BIRC6: variants seen among roughly 807,000 people sequenced by gnomAD.
BIRC6 encodes baculoviral IAP repeat containing 6.
In BIRC6, 98 loss-of-function variants were observed where a neutral mutation model predicts 503.3. The ratio of observed to expected loss-of-function variants is 0.19; its 90% CI spans 0.17 to 0.23. The LOEUF is 0.23. Ranked by LOEUF, BIRC6 falls within the 10% of genes least tolerant of loss-of-function variation. The probability of loss-of-function intolerance (pLI) is 1.00; values close to 1 mark genes in which losing one functional copy is unlikely to be tolerated. For synonymous variants in BIRC6, 2,240 were observed against 2,078.7 expected, an observed-to-expected ratio of 1.08 and a Z score of -2.11; for missense variants, 5,360 against 5,806.0, an observed-to-expected ratio of 0.92 and a Z score of 2.50.
intron 2 of BIRC6, among the ~76,000 whole-genome samples, chr2:32,378,062 T>C (rs1242903631): frequency 6.6e-6 from 1 of 152,120 alleles, no homozygotes; most frequent in South Asian, 2.1e-4. Flanking sequence ...TTTCCAATAA[T>C]AGTCCAGGGC....
At chr2:32,450,266 C>T (rs2046545345) in intron 22 of BIRC6, among the ~76,000 whole-genome samples, 1 of 152,138 alleles carries the variant, frequency 6.6e-6, no homozygotes, top group Non-Finnish European at 1.5e-5. Flanking sequence ...ATCACGAGGT[C>T]AGGAGATCGA....
chr2:32,393,060 A>G (rs2039451375), intron 5 of BIRC6, among the ~76,000 whole-genome samples: 1 of 151,968 alleles, frequency 6.6e-6, no homozygotes, highest in African/African-American at 2.4e-5. Flanking sequence ...ACAGTAGTAG[A>G]TGCTTAGGGT....
intron 37 of BIRC6, among the ~76,000 whole-genome samples, chr2:32,480,840 C>T (rs2050320685): frequency 1.3e-5 from 2 of 151,720 alleles, no homozygotes; most frequent in Admixed American, 1.3e-4. Flanking sequence ...CAGGGTTCTG[C>T]CATGTTGGTC....
At position 32,473,413 on chromosome 2, in the gene BIRC6, GTA is replaced by G. The variant is rs1335527804; in HGVS notation, c.6720+177_6720+178del. On this transcript the variant is annotated intron_variant, in intron 33 of 73. Transcript: ENST00000421745. ...CCTTAATTGTTAAAATGACGACAAT[GTA>G]TAGTTTACAGACTTTGTTGATGTTC... is the stretch of plus-strand genomic sequence containing the variant. Among the ~76,000 whole-genome samples, 12 of 152,258 alleles carry G rather than the reference GTA, an allele frequency of 7.9e-5. No homozygotes were observed. In the East Asian group the frequency reaches 1.9e-3, roughly 25 times the overall value.
chr2:32,464,859 T>C, intron 25 of BIRC6, 36 bp downstream of exon 25: 1 of 1,548,038 alleles, frequency 6.5e-7, no homozygotes, highest in Non-Finnish European at 8.7e-7. Context: ...GGCTTAGACA[T>C]TTAAAAATAT....
chr2:32,513,059 T>C lies in BIRC6; in HGVS notation c.10473T>C (p.Pro3491=). ...AGTATGGTCTTCTGATGCCATCTCC[T>C]TCTCATTTGCACTGTGTAGCAGCCA... The part of the protein sequence containing the change: ...TVEYGLLMPS[P]SHLHCVAAIL... Residue 3491 remains proline (P), a synonymous_variant, in exon 54 of 74, where the codon CCT becomes CCC. Transcript: ENST00000421745. 6.2e-7 allele frequency: 1 copy of C among 1,613,954 alleles called. No individual in the cohort carries two copies. The highest frequency in any genetic ancestry group is 1.1e-5 in the South Asian group (1 of 91,088).
intron 12 of BIRC6, among the ~76,000 whole-genome samples, chr2:32,432,390 C>T (rs1219729542): frequency 6.6e-6 from 1 of 152,060 alleles, no homozygotes; most frequent in Non-Finnish European, 1.5e-5. Flanking sequence ...GCACTCCAGC[C>T]TGGGCTACAG....
chr2:32,446,722 C>T (rs1217846926), intron 21 of BIRC6, among the ~76,000 whole-genome samples: 3 of 132,000 alleles, frequency 2.3e-5, no homozygotes, highest in South Asian at 5.1e-4. Flanking sequence ...ATCTAGTCAG[C>T]ATCTCCCTCT....
rs191478724 is a variant in BIRC6, at chr2:32,593,408, T to G, written c.13356-507T>G. On this transcript the variant is annotated intron_variant, in intron 66 of 73. Coordinates refer to ENST00000421745, the MANE Select transcript of BIRC6 (RefSeq NM_016252.4). ...AAATAACAGAATAATATCTTTAAAA[T>G]GAATATGCCCTAAAACTTAGTGTCT... Among the ~76,000 whole-genome samples, 16 of 152,298 alleles carry G rather than the reference T, an allele frequency of 1.1e-4. No homozygotes were observed. In the East Asian group the frequency reaches 3.1e-3, roughly 29 times the overall value.
chr2:32,538,242 C>G (rs1449824194), intron 61 of BIRC6, among the ~76,000 whole-genome samples: 1 of 151,986 alleles, frequency 6.6e-6, no homozygotes, highest in Non-Finnish European at 1.5e-5. Flanking sequence ...CTGAGGAGCT[C>G]CAAATTCTGC....
chr2:32,515,962 G>A (rs1284509422), intron 55 of BIRC6, among the ~76,000 whole-genome samples, 192 bp downstream of exon 55: 3 of 152,144 alleles, frequency 2.0e-5, no homozygotes, highest in South Asian at 2.1e-4. Context: ...TCTTTATGAT[G>A]AGATGACTAG....
chr2:32,478,847 T>C, intron 36 of BIRC6, 29 bp downstream of exon 36: 2 of 1,600,840 alleles, frequency 1.2e-6, no homozygotes, highest in Non-Finnish European at 1.7e-6. Flanking sequence ...TCATAGAGTA[T>C]GTCAAAATTA....
intron 72 of BIRC6, among the ~76,000 whole-genome samples, chr2:32,611,108 C>CTTTTTTTTTTTTTTTTTTTTTTTTTTTTT (rs1245765148): frequency 8.7e-5 from 11 of 126,168 alleles, no homozygotes; most frequent in Admixed American, 5.8e-4. Flanking sequence ...ATTAAATTGC[C>CTTTTTTTTTTTTTTTTTTTTTTTTTTTTT]TTTTTTTTTT....
intron 43 of BIRC6, 133 bp downstream of exon 43, chr2:32,490,284 A>G (rs1246985957): frequency 2.8e-6 from 2 of 723,566 alleles, no homozygotes; most frequent in Admixed American, 2.5e-5. Flanking sequence ...GTGGTGGCTC[A>G]CGCCTGTAAA....
rs559400076 is a variant in BIRC6 at position 32,559,793 on chromosome 2, G to A, written c.13144+10312G>A. Among the ~76,000 whole-genome samples the A allele has an allele frequency of 4.6e-4, 70 of 152,050 alleles. 1 individual carries two copies. Among genetic ancestry groups the A allele is most frequent in the African/African-American group, 1.5e-3 (61 of 41,494 alleles). ...CCCAGCACTTTGGGAGGCCAAGGCCGGTGGATCACCTGAGTTCAAGGGTTT... is the reference window on the plus strand; with the variant it reads ...CCCAGCACTTTGGGAGGCCAAGGCCAGTGGATCACCTGAGTTCAAGGGTTT... On this transcript the variant is annotated intron_variant, in intron 65 of 73. Transcript: ENST00000421745.
intron 73 of BIRC6, among the ~76,000 whole-genome samples, chr2:32,617,505 A>G (rs1453329199): frequency 6.6e-6 from 1 of 152,160 alleles, no homozygotes; most frequent in African/African-American, 2.4e-5. Flanking sequence ...TGGGTTACTG[A>G]GGTCTTTTCA....
rs751347872 is a variant in BIRC6 at position 32,512,982 on chromosome 2, A to T, written c.10396A>T (p.Met3466Leu). The T allele has an allele frequency of 6.2e-7, 1 of 1,613,960 alleles. No individual in the cohort carries two copies. The highest frequency in any genetic ancestry group is 1.3e-5 in the African/African-American group (1 of 75,062). ...WVSDSARVAA[M>L]KRSGRMNYMC... Reference sequence around the variant, plus strand: ...TAGTGATTCTGCAAGAGTGGCTGCTATGAAGAGAAGTGGCAGGATGAACTA... The same window carrying T: ...TAGTGATTCTGCAAGAGTGGCTGCTTTGAAGAGAAGTGGCAGGATGAACTA... Residue 3466 changes from methionine to leucine, a missense_variant, in exon 54 of 74, where the codon ATG (methionine) becomes TTG (leucine). By Grantham distance (15) the Met-to-Leu change is conservative. Transcript: ENST00000421745.
chr2:32,508,410 G>A (rs2054037401), intron 51 of BIRC6, among the ~76,000 whole-genome samples, 151 bp downstream of exon 51: 1 of 149,004 alleles, frequency 6.7e-6, no homozygotes, highest in Non-Finnish European at 1.5e-5. Context: ...ATTTTATTAG[G>A]TGTAATAGAG....
At chr2:32,430,730 A>G (rs1404274718) in intron 11 of BIRC6, 135 bp from the exon 12 acceptor site, 1 of 650,460 alleles carries the variant, frequency 1.5e-6, no homozygotes, top group Non-Finnish European at 2.6e-6. Context: ...AGCCCACTTT[A>G]TTAACTTTCA....
Sources: gnomAD v4.1 joint callset for allele counts (sites outside exome capture counted in the v4.1 genomes callset) on GRCh38, gnomAD v4.1.1 for gene constraint, MANE v1.5 for transcripts, NCBI Gene and HGNC (gene_info 2026-07-23, HGNC 2026-07-21) for gene names.